Variants in ABCA10 observed in about 807,000 individuals in gnomAD.
ABCA10 encodes the protein ATP binding cassette subfamily A member 10.
A neutral mutation model predicts 187.5 loss-of-function variants in ABCA10; 169 were observed. The ratio of observed to expected loss-of-function variants is 0.90; its 90% CI spans 0.80 to 1.02. The LOEUF (loss-of-function observed/expected upper bound fraction) is 1.02. ABCA10 is among the 50% of genes least tolerant of loss of function. The pLI is 0.00. For missense variants in ABCA10, 1,727 were observed against 1,812.4 expected, an observed-to-expected ratio of 0.95 and a Z score of 0.86; for synonymous variants, 574 against 601.8, an observed-to-expected ratio of 0.95 and a Z score of 0.68.
Position 69,148,780 on chromosome 17 carries a change from T to G in ABCA10, c.*47A>C. The G allele has an allele frequency of 7.0e-7, 1 of 1,436,406 alleles. No individual in the cohort carries two copies. The highest frequency in any genetic ancestry group is 9.7e-7 in the Non-Finnish European group (1 of 1,032,826). 89.0% of individuals were successfully genotyped at this position (1,436,406 alleles called of 1,614,324 possible). A position where few individuals can be genotyped will look rare whatever the true frequency, so the allele number is the denominator to read the frequency against. ...AACATTCTTGTAGAATTATGGAAAC[T>G]AACAATGTAGTAGGACCTAAAATTG... On this transcript the variant is annotated 3_prime_UTR_variant, in exon 39 of 39. Transcript: ENST00000690296.
At chr17:69,167,542 G>C (rs965793643) in intron 25 of ABCA10, among the ~76,000 whole-genome samples, 2 of 152,136 alleles carry the variant, frequency 1.3e-5, no homozygotes, top group Non-Finnish European at 2.9e-5. Context: ...AAATAGGGTG[G>C]GGAGTGAAGG....
rs925924286 is a variant in ABCA10 at position 69,148,420 on chromosome 17, C to T, written c.*407G>A. ...TCAGACCTTCTTATAGTCAATGTCA[C>T]ATTAAATTAGAATCCGAGTAAATAA... On this transcript the variant is annotated 3_prime_UTR_variant, in exon 39 of 39. Coordinates refer to ENST00000690296, the MANE Select transcript of ABCA10 (RefSeq NM_001377321.1). 4.3e-5 allele frequency: 7 copies of T among 162,206 alleles called. No individual in the cohort carries two copies. The highest frequency in any genetic ancestry group is 1.8e-4 in the East Asian group (1 of 5,496). The allele number at this position is 162,206 out of a possible 1,614,324, so 10.0% of individuals were successfully genotyped here.
chr17:69,148,830 AG>A lies in ABCA10; in HGVS notation c.4628del (p.Pro1543LeufsTer42). On this transcript the variant is annotated frameshift_variant, in exon 39 of 39. Transcript: ENST00000690296. LOFTEE classifies it high-confidence loss of function. ...GAATGTTAGGAGGTTCTTCATTTTAAGGGTCTTCCTGTGGGAGAAGTTTCCA... is the reference window on the plus strand; with the variant it reads ...GAATGTTAGGAGGTTCTTCATTTTAAGGTCTTCCTGTGGGAGAAGTTTCCA... ...VEWKLLPQED[P>X] 6.2e-7 allele frequency: 1 copy of A among 1,611,170 alleles called. No individual in the cohort carries two copies. The highest frequency in any genetic ancestry group is 8.5e-7 in the Non-Finnish European group (1 of 1,178,862).
rs372720119 is a variant in ABCA10 at position 69,216,315 on chromosome 17, A to G, written c.574T>C (p.Ser192Pro). The G allele has an allele frequency of 1.2e-6, 2 of 1,613,408 alleles. No individual in the cohort carries two copies. The highest frequency in any genetic ancestry group is 1.7e-6 in the Non-Finnish European group (2 of 1,179,702). Reference protein sequence around the residue: ...LTYICFIFIMSIFMALVITSI... With the variant: ...LTYICFIFIMPIFMALVITSI... The stretch of plus-strand genomic sequence containing the variant: ...GTTATGACCAGAGCCATAAAAATGG[A>G]CATAATGAAGATGAAGCAAATGTAT... Residue 192 changes from serine (S) to proline (P), a missense_variant, in exon 7 of 39, where the codon TCC (serine) becomes CCC (proline). By Grantham distance (74) the Ser-to-Pro change is moderately conservative (BLOSUM62 -1). Coordinates refer to ENST00000690296, the MANE Select transcript of ABCA10 (RefSeq NM_001377321.1).
chr17:69,209,428 T>C (rs1248643238), intron 9 of ABCA10, among the ~76,000 whole-genome samples: 4 of 152,172 alleles, frequency 2.6e-5, no homozygotes, highest in East Asian at 1.9e-4. Context: ...CATCACGAAA[T>C]TGGAAAACTG....
chr17:69,179,415 G>A (rs1385213180), intron 22 of ABCA10, among the ~76,000 whole-genome samples: 3 of 152,148 alleles, frequency 2.0e-5, no homozygotes, highest in African/African-American at 7.2e-5. Context: ...GGGTCCCTCT[G>A]GGGCCCACTG....
At chr17:69,174,507 C>A in intron 24 of ABCA10, 100 bp downstream of exon 24, 1 of 1,445,718 alleles carries the variant, frequency 6.9e-7, no homozygotes, top group Non-Finnish European at 9.4e-7. Flanking sequence ...TATTTTCTTG[C>A]ATATTACATG....
At chr17:69,183,612 A>T (rs928895470) in intron 20 of ABCA10, among the ~76,000 whole-genome samples, 1 of 152,136 alleles carries the variant, frequency 6.6e-6, no homozygotes, top group Non-Finnish European at 1.5e-5. Context: ...GGTTGAGATC[A>T]CGGGAGGATT....
chr17:69,151,854 A>C (rs2074131097), intron 36 of ABCA10, among the ~76,000 whole-genome samples, 189 bp downstream of exon 36: 1 of 152,192 alleles, frequency 6.6e-6, no homozygotes, highest in Admixed American at 6.5e-5. Context: ...ACCTTTTCTG[A>C]GGTCTAAAAC....
intron 8 of ABCA10, 125 bp downstream of exon 8, chr17:69,215,690 C>T: frequency 1.0e-6 from 1 of 952,706 alleles, no homozygotes; most frequent in Non-Finnish European, 1.4e-6. Context: ...TATTTAGTTT[C>T]TCAACAGCAG....
At chr17:69,220,289 G>A (rs1402431788) in intron 5 of ABCA10, among the ~76,000 whole-genome samples, 1 of 152,102 alleles carries the variant, frequency 6.6e-6, no homozygotes, top group East Asian at 1.9e-4. Context: ...AGAGTAAACA[G>A]TATATGAAAA....
At chr17:69,157,008 G>A (rs989584020) in intron 27 of ABCA10, 85 bp from the exon 28 acceptor site, 1 of 789,730 alleles carries the variant, frequency 1.3e-6, no homozygotes, top group Non-Finnish European at 1.9e-6. Context: ...TTTTGTCACA[G>A]AAGATTTGAT....
chr17:69,193,296 A>C lies in ABCA10; in HGVS notation c.1642-48T>G, dbSNP rs186973376. 1,331 of 1,591,816 alleles carry C rather than the reference A, an allele frequency of 8.4e-4. 16 individuals are homozygous for C. The Admixed American group carries it at 0.019, about 23-fold the overall frequency. ...AAGCATCTTCCTCTTCACAGTGAGG[A>C]TCTTCAGAAAGCACCATGAAAACAA... On this transcript the variant is annotated intron_variant, in intron 14 of 38. Coordinates refer to ENST00000690296, the MANE Select transcript of ABCA10 (RefSeq NM_001377321.1).
At chr17:69,230,940 T>C (rs1468340901), upstream of ABCA10, among the ~76,000 whole-genome samples, 1 of 152,164 alleles carries the variant, frequency 6.6e-6, no homozygotes, top group East Asian at 1.9e-4. Flanking sequence ...GAAAATATTG[T>C]CACTGCCAGC....
At chr17:69,227,801 C>T (rs1477506288) in intron 1 of ABCA10, among the ~76,000 whole-genome samples, 1 of 151,866 alleles carries the variant, frequency 6.6e-6, no homozygotes, top group African/African-American at 2.4e-5. Flanking sequence ...ACATTACGGC[C>T]ATTCTTAGAA....
chr17:69,149,347 T>C (rs988094241), intron 37 of ABCA10: 1 of 432,278 alleles, frequency 2.3e-6, no homozygotes, highest in African/African-American at 2.0e-5. Flanking sequence ...TCTTTACATA[T>C]ATGCTTTGGA....
chr17:69,219,361 C>T (rs183236982), intron 6 of ABCA10, among the ~76,000 whole-genome samples, 184 bp downstream of exon 6: 10 of 152,298 alleles, frequency 6.6e-5, no homozygotes, highest in African/African-American at 2.2e-4. Flanking sequence ...TTCTTCAACT[C>T]AGGGAAACAT....
At chr17:69,226,125 T>C (rs951899548) in intron 2 of ABCA10, among the ~76,000 whole-genome samples, 7 of 152,032 alleles carry the variant, frequency 4.6e-5, no homozygotes, top group African/African-American at 1.2e-4. Context: ...AGTGGGATAG[T>C]GGTAATGTAG....
intron 23 of ABCA10, 30 bp from the exon 24 acceptor site, chr17:69,174,807 G>T: frequency 1.3e-6 from 2 of 1,488,726 alleles, no homozygotes; most frequent in South Asian, 3.0e-5. Flanking sequence ...ATAGAGGAAG[G>T]GATCTTAGTT....
Sources: gnomAD v4.1 joint callset for allele counts (sites outside exome capture counted in the v4.1 genomes callset) on GRCh38, gnomAD v4.1.1 for gene constraint, MANE v1.5 for transcripts, NCBI Gene and HGNC (gene_info 2026-07-23, HGNC 2026-07-21) for gene names.